The following ANKRD6 variants were observed in gnomAD, a reference collection of about 807,000 sequenced individuals.
ANKRD6 encodes ankyrin repeat domain 6, also known as ankyrin repeat domain-containing protein 6.
In ANKRD6, 56 loss-of-function variants were observed where a neutral mutation model predicts 82.3. The ratio of observed to expected loss-of-function variants is 0.68; its 90% CI spans 0.55 to 0.85. The LOEUF (loss-of-function observed/expected upper bound fraction) is 0.85, where lower values mean the gene tolerates loss of function less well. ANKRD6 is among the 40% of genes least tolerant of loss of function. ANKRD6 has a pLI of 0.00. For missense variants in ANKRD6, 852 were observed against 907.6 expected, an observed-to-expected ratio of 0.94 and a Z score of 0.79; for synonymous variants, 347 against 352.1, an observed-to-expected ratio of 0.99 and a Z score of 0.16.
chr6:89,525,988 A>T (rs2127980005), intron 1 of ANKRD6, among the ~76,000 whole-genome samples: 1 of 152,350 alleles, frequency 6.6e-6, no homozygotes, highest in African/African-American at 2.4e-5. Flanking sequence ...TCCTATTTTT[A>T]GGGAGTTTGG....
intron 1 of ANKRD6, among the ~76,000 whole-genome samples, chr6:89,552,698 T>C (rs1786017572): frequency 6.6e-6 from 1 of 152,172 alleles, no homozygotes; most frequent in Non-Finnish European, 1.5e-5. Flanking sequence ...ATCTACTCCC[T>C]TGGGAGTAGC....
chr6:89,598,494 C>A, intron 3 of ANKRD6: 1 of 909,188 alleles, frequency 1.1e-6, no homozygotes, highest in Non-Finnish European at 1.3e-6. Context: ...TCTGCCTGTG[C>A]CACATGGGGG....
chr6:89,434,361 G>T (rs1043862998), intron 1 of ANKRD6, among the ~76,000 whole-genome samples: 1 of 152,166 alleles, frequency 6.6e-6, no homozygotes, highest in African/African-American at 2.4e-5. Flanking sequence ...GTTCTGTTAG[G>T]CCAGTGTAAG....
chr6:89,561,384 C>T (rs985452036), intron 1 of ANKRD6: 93 of 152,322 alleles, frequency 6.1e-4, no homozygotes, highest in African/African-American at 2.2e-3. Context: ...AGCGTGTCCA[C>T]CCTGTCATTT....
At chr6:89,576,525 T>A (rs1215262979) in intron 2 of ANKRD6, among the ~76,000 whole-genome samples, 3 of 152,220 alleles carry the variant, frequency 2.0e-5, no homozygotes, top group African/African-American at 7.2e-5. Context: ...TTTCTGCTAC[T>A]CCTTTCACCA....
At chr6:89,484,526 A>G (rs1234105585) in intron 1 of ANKRD6, among the ~76,000 whole-genome samples, 1 of 152,272 alleles carries the variant, frequency 6.6e-6, no homozygotes, top group Non-Finnish European at 1.5e-5. Flanking sequence ...TTAACTGCTT[A>G]CAGAGATGGT....
Position 89,626,232 on chromosome 6 carries a change from G to A in ANKRD6, c.1372-1351G>A, listed in dbSNP as rs1038046036. Reference sequence around the variant, plus strand: ...GTTTTGTATATAAAAACCCCACTTCGCCTAGCCTAAGCTGAAAGAGGAATG... The same window carrying A: ...GTTTTGTATATAAAAACCCCACTTCACCTAGCCTAAGCTGAAAGAGGAATG... On this transcript the variant is annotated intron_variant, in intron 13 of 15. Transcript: ENST00000339746. Among the ~76,000 whole-genome samples the A allele has an allele frequency of 2.0e-4, 30 of 152,048 alleles. 1 individual carries two copies. The highest frequency in any genetic ancestry group is 4.8e-5 in the African/African-American group (2 of 41,362).
chr6:89,445,781 T>C (rs983379780), intron 1 of ANKRD6, among the ~76,000 whole-genome samples: 1 of 151,760 alleles, frequency 6.6e-6, no homozygotes, highest in East Asian at 2.0e-4. Flanking sequence ...GATTTTTCCA[T>C]GTTGGCCAGG....
At chr6:89,498,032 AAG>A (rs1778842749) in intron 1 of ANKRD6, among the ~76,000 whole-genome samples, 1 of 152,216 alleles carries the variant, frequency 6.6e-6, no homozygotes, top group Non-Finnish European at 1.5e-5. Context: ...TTCATCCACG[AAG>A]TATATGTTAA....
At chr6:89,553,881 G>A (rs541397093) in intron 1 of ANKRD6, among the ~76,000 whole-genome samples, 2 of 152,222 alleles carry the variant, frequency 1.3e-5, no homozygotes, top group Non-Finnish European at 2.9e-5. Flanking sequence ...TGAAGGATAT[G>A]TAGCCAGTAG....
At chr6:89,479,214 C>T (rs528297880) in intron 1 of ANKRD6, among the ~76,000 whole-genome samples, 17 of 152,232 alleles carry the variant, frequency 1.1e-4, no homozygotes, top group African/African-American at 3.4e-4. Flanking sequence ...GAAGATTTCC[C>T]GGGGATGTAT....
At chr6:89,590,248 T>C (rs542030056) in intron 2 of ANKRD6, among the ~76,000 whole-genome samples, 5 of 152,328 alleles carry the variant, frequency 3.3e-5, no homozygotes, top group Middle Eastern at 3.4e-3. Context: ...AAAAGAGATA[T>C]GGCCCTTGCT....
rs1472205509 is a variant in ANKRD6 at position 89,566,843 on chromosome 6, A to G, written c.-134A>G. 7.9e-7 allele frequency: 1 copy of G among 1,271,654 alleles called. No individual in the cohort carries two copies. Among genetic ancestry groups the G allele is most frequent in the Non-Finnish European group, 1.1e-6 (1 of 926,660 alleles). The allele number at this position is 1,271,654 out of a possible 1,614,324, so 78.8% of individuals were successfully genotyped here. A position where few individuals can be genotyped will look rare whatever the true frequency, so the allele number is the denominator to read the frequency against. On this transcript the variant is annotated 5_prime_UTR_variant, in exon 2 of 16. It removes an upstream start codon present in the reference 5' UTR. Coordinates refer to ENST00000339746, the MANE Select transcript of ANKRD6 (RefSeq NM_001242809.2). ...GTTTTGTAACCCCTAGGTCCCGAAG[A>G]TGGCATATTCATAAAGACATCTTCT... is the stretch of plus-strand genomic sequence containing the variant.
chr6:89,486,724 T>C (rs570961461), intron 1 of ANKRD6, among the ~76,000 whole-genome samples: 1 of 152,318 alleles, frequency 6.6e-6, no homozygotes, highest in Non-Finnish European at 1.5e-5. Flanking sequence ...TCTCTTTCCT[T>C]GCCCTCCCAA....
chr6:89,482,526 T>C (rs746584553), intron 1 of ANKRD6, among the ~76,000 whole-genome samples: 7 of 152,182 alleles, frequency 4.6e-5, no homozygotes, highest in Non-Finnish European at 1.0e-4. Context: ...TATCAGCCAC[T>C]AAGGAAGTCA....
Position 89,596,021 on chromosome 6 carries a change from A to T in ANKRD6, c.219+7A>T, listed in dbSNP as rs1448230231. ...CCTTGATGTCCAGGATGATGTGAGTAGAAGCCATCATTCTATCAGGCTGAG... is the reference window on the plus strand; with the variant it reads ...CCTTGATGTCCAGGATGATGTGAGTTGAAGCCATCATTCTATCAGGCTGAG... On this transcript the variant is annotated splice_region_variant and intron_variant, in intron 3 of 15. Transcript: ENST00000339746. 4 of 1,600,692 alleles carry T rather than the reference A, an allele frequency of 2.5e-6. No homozygotes were observed. The highest frequency in any genetic ancestry group is 3.4e-6 in the Non-Finnish European group (4 of 1,173,040).
At chr6:89,492,482 C>G (rs1188512376) in intron 1 of ANKRD6, among the ~76,000 whole-genome samples, 1 of 152,142 alleles carries the variant, frequency 6.6e-6, no homozygotes, top group African/African-American at 2.4e-5. Flanking sequence ...GAGAGTAATG[C>G]TCCCTGATAT....
chr6:89,489,029 T>C (rs1000236260), intron 1 of ANKRD6, among the ~76,000 whole-genome samples: 10 of 152,136 alleles, frequency 6.6e-5, no homozygotes, highest in African/African-American at 1.7e-4. Flanking sequence ...GGTGGTTTCT[T>C]AGGACTGTGG....
At chr6:89,587,031 A>G (rs1793859802) in intron 2 of ANKRD6, among the ~76,000 whole-genome samples, 1 of 151,980 alleles carries the variant, frequency 6.6e-6, no homozygotes, top group Non-Finnish European at 1.5e-5. Context: ...TCTACTAAAA[A>G]TACAAAAAAA....
Sources: allele counts gnomAD v4.1 joint callset (sites outside exome capture counted in the v4.1 genomes callset), GRCh38; gene constraint gnomAD v4.1.1; transcripts MANE v1.5; gene names NCBI Gene and HGNC (gene_info 2026-07-23, HGNC 2026-07-21).